FAM240A: variants seen among roughly 807,000 people sequenced by gnomAD.
The protein encoded by FAM240A is protein FAM240A.
In FAM240A, 8 loss-of-function variants were observed where a neutral mutation model predicts 7.3. The ratio of observed to expected loss-of-function variants is 1.09; its 90% confidence interval spans 0.64 to 1.97. The LOEUF (loss-of-function observed/expected upper bound fraction) is 1.97, where lower values mean the gene tolerates loss of function less well. Ranked by LOEUF, FAM240A falls within the 30% of genes most tolerant of loss-of-function variation. The pLI, the probability that FAM240A is intolerant of heterozygous loss-of-function variation, is 0.00. For missense variants in FAM240A, 90 were observed against 102.2 expected, an observed-to-expected ratio of 0.88 and a Z score of 0.52; for synonymous variants, 32 against 35.9, an observed-to-expected ratio of 0.89 and a Z score of 0.38.
intron 2 of FAM240A, 56 bp from the exon 3 acceptor site, chr3:46,625,072 G>T: frequency 7.4e-7 from 1 of 1,348,032 alleles, no homozygotes; most frequent in South Asian, 1.3e-5. Context: ...AAGCTCTCCT[G>T]AACCAAGAGC....
intron 2 of FAM240A, among the ~76,000 whole-genome samples, chr3:46,622,485 T>G (rs1188759899): frequency 6.6e-6 from 1 of 152,188 alleles, no homozygotes; most frequent in African/African-American, 2.4e-5. Flanking sequence ...AAGATTGTCT[T>G]CTGTTTTATT....
Position 46,612,689 on chromosome 3 carries a change from G to GT in FAM240A, c.8dup (p.Leu3PhefsTer22). ...CGATGTCTTCACATCCCTTCATGCG[G>GT]TTGTTCTCTGTAAGTGTTAATTAAT... On this transcript the variant is annotated frameshift_variant, in exon 1 of 3. Transcript: ENST00000640551. LOFTEE classifies it high-confidence loss of function. 3.9e-6 allele frequency: 6 copies of GT among 1,535,444 alleles called. No homozygotes were observed. The Middle Eastern group carries it at 1.0e-3, about 256-fold the overall frequency.
chr3:46,625,310 CA>C lies in FAM240A; in HGVS notation c.*94del. On this transcript the variant is annotated 3_prime_UTR_variant, in exon 3 of 3. Transcript: ENST00000640551. ...AAATTCCTGAGTCCCTTTGCTATAC[CA>C]ATCAGCTCTCACACTATTGTTTCCC... 2.3e-6 allele frequency: 2 copies of C among 858,248 alleles called. No homozygotes were observed. Among genetic ancestry groups the C allele is most frequent in the Non-Finnish European group, 3.6e-6 (2 of 552,156 alleles). 53.2% of individuals were successfully genotyped at this position (858,248 alleles called of 1,614,324 possible).
At chr3:46,621,219 G>A (rs539949580) in intron 2 of FAM240A, among the ~76,000 whole-genome samples, 4 of 152,102 alleles carry the variant, frequency 2.6e-5, no homozygotes, top group Non-Finnish European at 4.4e-5. Flanking sequence ...TTAGGTGCAT[G>A]CATATTTAGA....
At position 46,617,346 on chromosome 3, in the gene FAM240A, C is replaced by G. The variant is rs1427385493; in HGVS notation, c.161+18C>G. ...CTGAGAAAGTATGTGGCTTGTTTGTCTACTTTTTAGAATTAATTAATTTTT... is the reference window on the plus strand; with the variant it reads ...CTGAGAAAGTATGTGGCTTGTTTGTGTACTTTTTAGAATTAATTAATTTTT... On this transcript the variant is annotated intron_variant, in intron 2 of 2. Transcript: ENST00000640551. 2 of 1,500,508 alleles carry G rather than the reference C, an allele frequency of 1.3e-6. No individual in the cohort carries two copies. The highest frequency in any genetic ancestry group is 2.6e-5 in the South Asian group (2 of 77,426). 92.9% of individuals were successfully genotyped at this position (1,500,508 alleles called of 1,614,324 possible). A position where few individuals can be genotyped will look rare whatever the true frequency, so the allele number is the denominator to read the frequency against.
At chr3:46,621,790 ACATAGTTGG>A (rs1697698006) in intron 2 of FAM240A, among the ~76,000 whole-genome samples, 1 of 151,034 alleles carries the variant, frequency 6.6e-6, no homozygotes, top group East Asian at 1.9e-4. Context: ...AAAAAAAACT[ACATAGTTGG>A]ATTGGATGTT....
intron 1 of FAM240A, among the ~76,000 whole-genome samples, chr3:46,613,524 TAAAA>T (rs1489200024): frequency 6.6e-6 from 1 of 151,328 alleles, no homozygotes; most frequent in Admixed American, 6.6e-5. Flanking sequence ...AATAAATAAA[TAAAA>T]AACAAGACAC....
At chr3:46,617,157 A>AT (rs1300051801) in intron 1 of FAM240A, 26 bp from the exon 2 acceptor site, 6 of 1,474,482 alleles carry the variant, frequency 4.1e-6, no homozygotes, top group Non-Finnish European at 5.4e-6. Context: ...TTTTTTGGTT[A>AT]TTTGTATGGC....
In FAM240A at chr3:46,625,120, A is replaced by G. The variant is rs1285194516; in HGVS notation, c.162-8A>G. 6.5e-7 allele frequency: 1 copy of G among 1,532,710 alleles called. No homozygotes were observed. Among genetic ancestry groups the G allele is most frequent in the African/African-American group, 1.4e-5 (1 of 73,050 alleles). 94.9% of individuals were successfully genotyped at this position (1,532,710 alleles called of 1,614,324 possible). ...TGCTCCATCTGTGTGTTTGGTTTCT[A>G]TTTTCAGGCTCAGAGAAGAATGGAA... On this transcript the variant is annotated splice_region_variant and splice_polypyrimidine_tract_variant and intron_variant, in intron 2 of 2. Transcript: ENST00000640551.
intron 1 of FAM240A, among the ~76,000 whole-genome samples, chr3:46,616,690 T>TAC (rs3087116): frequency 0.41 from 59,049 of 143,306 alleles, 11,772 homozygotes; most frequent in East Asian, 0.63. Flanking sequence ...AGTATTCCAT[T>TAC]ACACACACAC....
chr3:46,615,932 G>A (rs1697625292), intron 1 of FAM240A, among the ~76,000 whole-genome samples: 2 of 152,122 alleles, frequency 1.3e-5, no homozygotes, highest in African/African-American at 4.8e-5. Context: ...AACCCCTTTA[G>A]TAAAGGGCCT....
Position 46,617,297 on chromosome 3 carries a change from G to C in FAM240A, c.130G>C (p.Glu44Gln). ...ACAGACTTACTACCGAGAATCAGAG[G>C]AACGTCGTCTGGGAAGAAGCGCACT... ...GKQTYYRESE[E>Q]RRLGRSALRK... Residue 44 changes from glutamate (E) to glutamine (Q), a missense_variant, in exon 2 of 3, where the codon GAA becomes CAA. Glu to Gln is a conservative substitution (Grantham distance 29). Coordinates refer to ENST00000640551, the MANE Select transcript of FAM240A (RefSeq NM_001195442.2). 1 of 1,534,532 alleles carries C rather than the reference G, an allele frequency of 6.5e-7. No homozygotes were observed. The highest frequency in any genetic ancestry group is 8.7e-7 in the Non-Finnish European group (1 of 1,146,124).
intron 2 of FAM240A, among the ~76,000 whole-genome samples, chr3:46,624,598 G>A (rs1697735740): frequency 6.6e-6 from 1 of 152,200 alleles, no homozygotes; most frequent in African/African-American, 2.4e-5. Context: ...AGCTATTTAA[G>A]TAGTTTTAAA....
At chr3:46,623,696 C>G (rs1298485223) in intron 2 of FAM240A, among the ~76,000 whole-genome samples, 1 of 152,178 alleles carries the variant, frequency 6.6e-6, no homozygotes, top group Admixed American at 6.5e-5. Context: ...TATAACCACA[C>G]CAGCCTTCTT....
chr3:46,613,785 C>T (rs899090992), intron 1 of FAM240A, among the ~76,000 whole-genome samples: 3 of 152,218 alleles, frequency 2.0e-5, no homozygotes, highest in Admixed American at 6.5e-5. Context: ...TTGTGTGTCC[C>T]ATTTCAGTGC....
intron 1 of FAM240A, among the ~76,000 whole-genome samples, chr3:46,612,935 C>G (rs17287770): frequency 0.046 from 6,972 of 152,228 alleles, 209 homozygotes; most frequent in Non-Finnish European, 0.069. Context: ...GAGCAGTTGT[C>G]CTCATTGTAG....
chr3:46,615,676 C>T (rs1697620064), intron 1 of FAM240A, among the ~76,000 whole-genome samples: 1 of 152,236 alleles, frequency 6.6e-6, no homozygotes, highest in Admixed American at 6.5e-5. Flanking sequence ...TCCCCACACT[C>T]TTCTGCAGGG....
At chr3:46,622,307 C>T (rs1158797634) in intron 2 of FAM240A, among the ~76,000 whole-genome samples, 4 of 151,688 alleles carry the variant, frequency 2.6e-5, no homozygotes, top group African/African-American at 4.8e-5. Context: ...GGGGTTTCAC[C>T]GTGTTAGCCA....
chr3:46,623,807 ATT>A (rs1057509317), intron 2 of FAM240A, among the ~76,000 whole-genome samples: 2 of 152,150 alleles, frequency 1.3e-5, no homozygotes, highest in African/African-American at 4.8e-5. Flanking sequence ...ATATTTGGAT[ATT>A]GTCTTTTAAA....
Sources: allele counts gnomAD v4.1 joint callset (sites outside exome capture counted in the v4.1 genomes callset), GRCh38; gene constraint gnomAD v4.1.1; transcripts MANE v1.5; gene names NCBI Gene and HGNC (gene_info 2026-07-23, HGNC 2026-07-21).